Variants in ARSL observed in about 807,000 individuals in gnomAD.
ARSL encodes the protein arylsulfatase L, also known as arylsulfatase E (chondrodysplasia punctata 1).
A neutral mutation model predicts 31.1 loss-of-function variants in ARSL; 4 were observed. The observed-to-expected ratio is 0.13, with a 90% confidence interval of 0.06 to 0.29. The LOEUF (loss-of-function observed/expected upper bound fraction) is 0.29. ARSL is among the 10% of genes least tolerant of loss of function. The pLI, the probability that ARSL is intolerant of heterozygous loss-of-function variation, is 1.00. For synonymous variants in ARSL, 198 were observed against 209.9 expected (o/e 0.94, Z 0.49); for missense variants, 312 against 497.8 (o/e 0.63, Z 3.55).
At chrX:2,944,552 G>C (rs943407679) in intron 7 of ARSL, among the ~76,000 whole-genome samples, 11 of 108,255 alleles carry the variant, frequency 1.0e-4, no homozygotes, top group Admixed American at 3.0e-4. Context: ...TCCATGCCTA[G>C]CTTGTTGAGG....
chrX:2,944,473 CA>C (rs58863219), intron 7 of ARSL, among the ~76,000 whole-genome samples: 1,671 of 94,085 alleles, frequency 0.018, 31 homozygotes, highest in African/African-American at 0.057. Context: ...ACAAAAAAAA[CA>C]AAAAAAAAAA....
Position 2,960,268 on chromosome X carries a change from CAAAAAAAAAAAA to C in ARSL, c.23+98_23+109del, listed in dbSNP as rs776807952. 3.0e-4 allele frequency: 38 copies of C among 127,615 alleles called. No individual in the cohort carries two copies. In the East Asian group the frequency reaches 4.6e-3, roughly 15 times the overall value. 10.5% of individuals were successfully genotyped at this position (127,615 alleles called of 1,213,427 possible). A position where few individuals can be genotyped will look rare whatever the true frequency, so the allele number is the denominator to read the frequency against. On this transcript the variant is annotated intron_variant, in intron 2 of 10. Coordinates refer to ENST00000381134, the MANE Select transcript of ARSL (RefSeq NM_000047.3). ...TGGGCGACAGAGTGAGACTCCGTCT[CAAAAAAAAAAAA>C]AAAAAAAAAAAAAAGAAGAGAAAGA...
chrX:2,954,297 G>T (rs771452418), intron 4 of ARSL, among the ~76,000 whole-genome samples: 20 of 110,224 alleles, frequency 1.8e-4, no homozygotes, highest in African/African-American at 4.9e-4. Context: ...GGGTTTTTTT[G>T]TTTGTTTGTT....
chrX:2,950,325 T>G (rs984413884), intron 5 of ARSL, among the ~76,000 whole-genome samples: 3 of 112,156 alleles, frequency 2.7e-5, no homozygotes, highest in Admixed American at 9.5e-5. Flanking sequence ...TGCCTCAAAT[T>G]CATGAGTTGA....
At chrX:2,960,210 A>G (rs1329518695) in intron 2 of ARSL, among the ~76,000 whole-genome samples, 168 bp downstream of exon 2, 1 of 70,274 alleles carries the variant, frequency 1.4e-5, no homozygotes, top group Non-Finnish European at 2.7e-5. Context: ...CGGAGCTTGC[A>G]GTGAGCCGAG....
chrX:2,955,307 C>A, intron 4 of ARSL, 109 bp downstream of exon 4: 1 of 974,483 alleles, frequency 1.0e-6, no homozygotes, highest in South Asian at 2.2e-5. Flanking sequence ...AGAGAGAACA[C>A]CCCCCAGTCT....
At chrX:2,967,797 C>T (rs2089709984), upstream of ARSL, among the ~76,000 whole-genome samples, 1 of 111,391 alleles carries the variant, frequency 9.0e-6, no homozygotes, top group Non-Finnish European at 1.9e-5. Flanking sequence ...TCGCCTGGGC[C>T]CTGTTCCCAA....
chrX:2,955,631 C>A, intron 3 of ARSL, 94 bp from the exon 4 acceptor site: 2 of 1,012,268 alleles, frequency 2.0e-6, no homozygotes, highest in South Asian at 4.0e-5. Context: ...GTCTGCTGGT[C>A]ATCGCTGAGT....
chrX:2,964,515 C>A, upstream of ARSL: 1 of 739,559 alleles, frequency 1.4e-6, no homozygotes, highest in Non-Finnish European at 1.6e-6. Flanking sequence ...CGGGGTTTTG[C>A]CATGTGGCCT....
chrX:2,959,420 T>A (rs1165088740), intron 2 of ARSL, among the ~76,000 whole-genome samples: 1 of 111,497 alleles, frequency 9.0e-6, no homozygotes, highest in Non-Finnish European at 1.9e-5. Flanking sequence ...CCTGCCACTA[T>A]CATTGCTGCC....
chrX:2,964,508 G>C (rs909651417), upstream of ARSL: 10 of 742,970 alleles, frequency 1.3e-5, no homozygotes, highest in African/African-American at 2.1e-4. Flanking sequence ...GTAGAGACGG[G>C]GTTTTGCCAT....
intron 7 of ARSL, 69 bp downstream of exon 7, chrX:2,945,928 AT>A: frequency 8.5e-7 from 1 of 1,182,481 alleles, no homozygotes; most frequent in Non-Finnish European, 1.1e-6. Context: ...TAACCTTCTC[AT>A]TCTTTGTTTC....
intron 1 of ARSL, among the ~76,000 whole-genome samples, chrX:2,961,510 C>G (rs768029631): frequency 1.8e-5 from 2 of 112,131 alleles, no homozygotes; most frequent in East Asian, 5.6e-4. Context: ...ACTTTCCAAT[C>G]TGACTCTGGC....
In ARSL at chrX:2,949,318, C is replaced by T. The variant is rs772678789; in HGVS notation, c.840G>A (p.Ala280=). 4.2e-4 allele frequency: 505 copies of T among 1,209,382 alleles called. No individual in the cohort carries two copies. The highest frequency in any genetic ancestry group is 5.5e-4 in the Non-Finnish European group (489 of 895,149). The change falls in exon 6 of 11, where the codon GCG becomes GCA. Residue 280 remains alanine, a synonymous_variant. Coordinates refer to ENST00000381134, the MANE Select transcript of ARSL (RefSeq NM_000047.3). ...TTTCTGCTGACCTTTTGAGAAAGGA[C>T]GCAACCTCCTGCAGAATAAGGGGTG... ...RTTPLILQEV[A]SFLKRNKHGP... is the part of the protein sequence containing the mutation.
upstream of ARSL, among the ~76,000 whole-genome samples, chrX:2,965,456 G>A (rs2089690375): frequency 9.2e-6 from 1 of 108,768 alleles, no homozygotes; most frequent in African/African-American, 3.3e-5. Context: ...AGGCAAGATC[G>A]CAGCATTGTA....
At chrX:2,958,508 A>AT in intron 2 of ARSL, 73 bp from the exon 3 acceptor site, 1 of 1,073,468 alleles carries the variant, frequency 9.3e-7, no homozygotes, top group Non-Finnish European at 1.3e-6. Context: ...TGGCATCACT[A>AT]TTTTAAGAGG....
intron 1 of ARSL, among the ~76,000 whole-genome samples, chrX:2,961,344 G>A (rs924879583): frequency 9.0e-6 from 1 of 111,122 alleles, no homozygotes; most frequent in South Asian, 3.9e-4. Flanking sequence ...TACTGCAGTG[G>A]TCTGACCCCA....
chrX:2,945,374 A>G (rs996345422), intron 7 of ARSL, among the ~76,000 whole-genome samples: 3 of 111,870 alleles, frequency 2.7e-5, no homozygotes, highest in Non-Finnish European at 3.8e-5. Context: ...TCCTATTTTC[A>G]GTGCAGTGGA....
chrX:2,966,814 C>T (rs1483229473), upstream of ARSL, among the ~76,000 whole-genome samples: 3 of 108,842 alleles, frequency 2.8e-5, no homozygotes, highest in Admixed American at 1.0e-4. Context: ...ATAATATGCA[C>T]GTATAAATAT....
Sources: allele counts gnomAD v4.1 joint callset (sites outside exome capture counted in the v4.1 genomes callset), GRCh38; gene constraint gnomAD v4.1.1; transcripts MANE v1.5; gene names NCBI Gene and HGNC (gene_info 2026-07-23, HGNC 2026-07-21).